CACNA1B: variants seen among roughly 807,000 people sequenced by gnomAD.
The protein encoded by CACNA1B is voltage-dependent N-type calcium channel subunit alpha-1B.
Under a neutral mutation model 247.2 loss-of-function variants are expected in CACNA1B, and 70 were observed. The observed-to-expected ratio is 0.28, with a 90% CI of 0.23 to 0.35. The LOEUF (loss-of-function observed/expected upper bound fraction) is 0.35. Ranked by LOEUF, CACNA1B falls within the 10% of genes least tolerant of loss-of-function variation. The pLI, the probability that CACNA1B is intolerant of heterozygous loss-of-function variation, is 1.00. For missense variants in CACNA1B, 2,367 were observed against 3,197.4 expected (o/e 0.74, Z 6.26); for synonymous variants, 1,231 against 1,294.4 (o/e 0.95, Z 1.05).
intron 3 of CACNA1B, among the ~76,000 whole-genome samples, chr9:137,900,011 A>C (rs1292781271): frequency 6.6e-6 from 1 of 152,178 alleles, no homozygotes; most frequent in East Asian, 1.9e-4. Context: ...AGTTTCTCAT[A>C]GAACATAACA....
intron 6 of CACNA1B, among the ~76,000 whole-genome samples, chr9:137,928,363 T>A (rs1053041029): frequency 2.0e-5 from 3 of 152,216 alleles, no homozygotes; most frequent in African/African-American, 7.2e-5. Context: ...CCCAAAGTGC[T>A]GGGATTACAG....
rs1318630594 is a variant in CACNA1B at position 138,124,348 on chromosome 9, T to C, written c.*2349T>C. On this transcript the variant is annotated 3_prime_UTR_variant, in exon 47 of 47. Transcript: ENST00000371372. ...TATCTTCGTACTTTTTGATACAATGTATTCATTTGTTAATTTTTAATTATA... is the reference window on the plus strand; with the variant it reads ...TATCTTCGTACTTTTTGATACAATGCATTCATTTGTTAATTTTTAATTATA... The C allele has an allele frequency of 6.6e-6, 1 of 152,186 alleles. No homozygotes were observed. Among genetic ancestry groups the C allele is most frequent in the East Asian group, 1.9e-4 (1 of 5,204 alleles). 9.4% of individuals were successfully genotyped at this position (152,186 alleles called of 1,614,324 possible).
At chr9:137,963,223 CA>C (rs1326956798) in intron 10 of CACNA1B, among the ~76,000 whole-genome samples, 3 of 152,046 alleles carry the variant, frequency 2.0e-5, no homozygotes, top group Admixed American at 2.0e-4. Flanking sequence ...TTCTGTTTTC[CA>C]TTTGCTTCAT....
intron 11 of CACNA1B, among the ~76,000 whole-genome samples, chr9:137,975,148 C>G (rs964342013): frequency 6.6e-6 from 1 of 152,120 alleles, no homozygotes; most frequent in Non-Finnish European, 1.5e-5. Flanking sequence ...CAGCACAGCC[C>G]TCTAGCCCCA....
chr9:138,096,371 A>G (rs1192762933), intron 36 of CACNA1B, 113 bp from the exon 37 acceptor site: 3 of 853,092 alleles, frequency 3.5e-6, no homozygotes, highest in East Asian at 5.0e-5. Flanking sequence ...TGGTCAAATC[A>G]GAGTGACCCC....
At position 138,072,468 on chromosome 9, in the gene CACNA1B, A is replaced by C. The variant is rs150553687; in HGVS notation, c.4675-1020A>C. Among the ~76,000 whole-genome samples, 76 of 152,312 alleles carry C rather than the reference A, an allele frequency of 5.0e-4. No individual in the cohort carries two copies. The highest frequency in any genetic ancestry group is 1.6e-3 in the African/African-American group (67 of 41,578). On this transcript the variant is annotated intron_variant, in intron 32 of 46. Coordinates refer to ENST00000371372, the MANE Select transcript of CACNA1B (RefSeq NM_000718.4). This position sits in a 1 kb window ranked among gnomAD's most constrained non-coding sequence, Gnocchi z 4.5. Reference sequence around the variant, plus strand: ...TCCTGCTGCTGCTGTCTCATTTGACATCTGTGTTCTCTTTATTTGATGACT... The same window carrying C: ...TCCTGCTGCTGCTGTCTCATTTGACCTCTGTGTTCTCTTTATTTGATGACT...
intron 31 of CACNA1B, among the ~76,000 whole-genome samples, chr9:138,066,331 C>T (rs746050427): frequency 6.6e-6 from 1 of 152,186 alleles, no homozygotes; most frequent in Admixed American, 6.5e-5. Context: ...CCTGTACTCC[C>T]AGAACTTTGG....
At chr9:137,910,314 G>T (rs903199234) in intron 3 of CACNA1B, among the ~76,000 whole-genome samples, 3 of 152,070 alleles carry the variant, frequency 2.0e-5, no homozygotes, top group Admixed American at 2.0e-4. Flanking sequence ...ATGATTTGCA[G>T]ATATTTTCTC....
chr9:137,886,075 T>C (rs1957006448), intron 3 of CACNA1B, among the ~76,000 whole-genome samples: 1 of 151,500 alleles, frequency 6.6e-6, no homozygotes, highest in Non-Finnish European at 1.5e-5. Context: ...GGAGGGCTCC[T>C]GGCGCCTGGC....
intron 13 of CACNA1B, among the ~76,000 whole-genome samples, chr9:137,985,309 C>T (rs1319287731): frequency 3.9e-5 from 6 of 152,208 alleles, no homozygotes; most frequent in South Asian, 2.1e-4. Context: ...TCCTCACTGG[C>T]GCTCTGTGCT....
chr9:137,955,350 T>C lies in CACNA1B; in HGVS notation c.1071-348T>C, dbSNP rs1255555850. 6.6e-6 allele frequency among the ~76,000 whole-genome samples: 1 copy of C among 152,198 alleles called. No individual in the cohort carries two copies. Among genetic ancestry groups the C allele is most frequent in the Admixed American group, 6.5e-5 (1 of 15,282 alleles). On this transcript the variant is annotated intron_variant, in intron 7 of 46. Transcript: ENST00000371372. The surrounding 1 kb of genome is among the most constrained non-coding windows in gnomAD (Gnocchi z 6.9). The stretch of plus-strand genomic sequence containing the variant: ...GGCACAAGGGGAGGGAGGAGGCGCA[T>C]GCCTAGGTTGCTGTAGGCAGGGGCT...
chr9:137,975,864 A>T (rs201995982), intron 11 of CACNA1B, 43 bp from the exon 12 acceptor site: 3 of 1,209,318 alleles, frequency 2.5e-6, no homozygotes, highest in Admixed American at 1.9e-5. Context: ...CCAGAGTGGG[A>T]GGAGGCCTCG....
chr9:137,950,112 G>T lies in CACNA1B; in HGVS notation c.967-2162G>T, dbSNP rs1224019747. On this transcript the variant is annotated intron_variant, in intron 6 of 46. Coordinates refer to ENST00000371372, the MANE Select transcript of CACNA1B (RefSeq NM_000718.4). The surrounding 1 kb of genome is among the most constrained non-coding windows in gnomAD (Gnocchi z 4.8). Reference sequence around the variant, plus strand: ...GTTGCCGGTGAGTGCAGAAGTCTAGGTTCCCCACTTGGCATCTGTTGACTT... The same window carrying T: ...GTTGCCGGTGAGTGCAGAAGTCTAGTTTCCCCACTTGGCATCTGTTGACTT... Among the ~76,000 whole-genome samples, 8 of 152,182 alleles carry T rather than the reference G, an allele frequency of 5.3e-5. No individual in the cohort carries two copies. Among genetic ancestry groups the T allele is most frequent in the African/African-American group, 1.9e-4 (8 of 41,428 alleles).
At chr9:138,066,730 A>T (rs1176936609) in intron 31 of CACNA1B, among the ~76,000 whole-genome samples, 1 of 152,248 alleles carries the variant, frequency 6.6e-6, no homozygotes, top group African/African-American at 2.4e-5. Flanking sequence ...CTCATGAGAT[A>T]ACAGCTGAAG....
intron 3 of CACNA1B, among the ~76,000 whole-genome samples, chr9:137,893,250 A>T (rs1588986507): frequency 2.1e-5 from 3 of 143,536 alleles, no homozygotes; most frequent in Non-Finnish European, 3.0e-5. Context: ...TTTTTTTTTT[A>T]AAGCTGACTC....
intron 31 of CACNA1B, among the ~76,000 whole-genome samples, chr9:138,061,928 G>A (rs1959739603): frequency 6.6e-6 from 1 of 152,216 alleles, no homozygotes; most frequent in African/African-American, 2.4e-5. Context: ...AGAGGCTCTT[G>A]GCCACGATGG....
At chr9:138,108,308 CAA>C (rs935431476) in intron 39 of CACNA1B, among the ~76,000 whole-genome samples, 9 of 44,088 alleles carry the variant, frequency 2.0e-4, no homozygotes, top group South Asian at 8.9e-4. Context: ...AACCCCATCT[CAA>C]AAAAAAAAAA....
Position 138,050,571 on chromosome 9 carries a change from A to G in CACNA1B, c.3710+1256A>G, listed in dbSNP as rs543685354. 1.4e-4 allele frequency among the ~76,000 whole-genome samples: 22 copies of G among 152,344 alleles called. No individual in the cohort carries two copies. Among genetic ancestry groups the G allele is most frequent in the African/African-American group, 4.8e-4 (20 of 41,576 alleles). ...GAGAGCTTTGCCAAAGCATCAGCTT[A>G]GGCCTTGGGAGTGGGAACACTGCAG... is the stretch of plus-strand genomic sequence containing the variant. On this transcript the variant is annotated intron_variant, in intron 24 of 46. Transcript: ENST00000371372. The surrounding 1 kb of genome is among the most constrained non-coding windows in gnomAD (Gnocchi z 5.2).
intron 3 of CACNA1B, among the ~76,000 whole-genome samples, chr9:137,895,239 G>T (rs1165959122): frequency 6.6e-6 from 1 of 152,076 alleles, no homozygotes; most frequent in East Asian, 1.9e-4. Flanking sequence ...CCTGATCACG[G>T]TAGTTATGTA....
Sources: allele counts gnomAD v4.1 joint callset (sites outside exome capture counted in the v4.1 genomes callset), GRCh38; gene constraint gnomAD v4.1.1; non-coding constraint Gnocchi (gnomAD v3.1); transcripts MANE v1.5; gene names NCBI Gene and HGNC (gene_info 2026-07-23, HGNC 2026-07-21).